DNM3: variants seen among roughly 807,000 people sequenced by gnomAD.
DNM3 encodes dynamin-3.
A neutral mutation model predicts 101.6 loss-of-function variants in DNM3; 47 were observed. The ratio of observed to expected loss-of-function variants is 0.46; its 90% confidence interval spans 0.37 to 0.59. The LOEUF is 0.59. DNM3 is among the 20% of genes least tolerant of loss of function. The pLI is 0.00. For missense variants in DNM3, 849 were observed against 1,085.7 expected (o/e 0.78, Z 3.06); for synonymous variants, 385 against 387.9 (o/e 0.99, Z 0.09).
At position 172,388,672 on chromosome 1, in the gene DNM3, T is replaced by C; in HGVS notation, c.2385T>C (p.Ser795=). 6.2e-7 allele frequency: 1 copy of C among 1,613,904 alleles called. No individual in the cohort carries two copies. The highest frequency in any genetic ancestry group is 1.3e-5 in the African/African-American group (1 of 75,020). Residue 795 remains serine, a synonymous_variant, in exon 20 of 21, where the codon TCT becomes TCC. Transcript: ENST00000627582. ...SGRGPAPAIP[S]PGPHSGAPPV... is the part of the protein sequence containing the mutation. Reference sequence around the variant, plus strand: ...GAGGACCAGCTCCTGCCATTCCCTCTCCTGGCCCCCACTCTGGGGCTCCTC... The same window carrying C: ...GAGGACCAGCTCCTGCCATTCCCTCCCCTGGCCCCCACTCTGGGGCTCCTC...
At chr1:172,110,914 T>C (rs1418409693) in intron 13 of DNM3, among the ~76,000 whole-genome samples, 1 of 152,142 alleles carries the variant, frequency 6.6e-6, no homozygotes, top group Non-Finnish European at 1.5e-5. Context: ...CATGCGCCTT[T>C]AGTGTCAGCT....
intron 13 of DNM3, among the ~76,000 whole-genome samples, chr1:172,106,670 C>T (rs1239551034): frequency 6.6e-6 from 1 of 151,758 alleles, no homozygotes; most frequent in Non-Finnish European, 1.5e-5. Context: ...CAAAAATGGG[C>T]ATTGAATTTC....
At chr1:172,036,776 A>G (rs1194158671) in intron 6 of DNM3, among the ~76,000 whole-genome samples, 4 of 152,092 alleles carry the variant, frequency 2.6e-5, no homozygotes, top group African/African-American at 9.7e-5. Context: ...AATGGCAACA[A>G]AAGCCAAAAT....
At chr1:172,192,079 CA>C (rs1463019315) in intron 14 of DNM3, among the ~76,000 whole-genome samples, 1 of 152,126 alleles carries the variant, frequency 6.6e-6, no homozygotes, top group African/African-American at 2.4e-5. Context: ...TGCCAGTTTT[CA>C]AAAGGAATGC....
At chr1:172,317,206 A>G (rs994033931) in intron 16 of DNM3, among the ~76,000 whole-genome samples, 5 of 151,858 alleles carry the variant, frequency 3.3e-5, no homozygotes, top group Admixed American at 1.3e-4. Context: ...CAAAGACACA[A>G]CATACCAGAA....
At chr1:172,159,109 T>A (rs2058452179) in intron 14 of DNM3, among the ~76,000 whole-genome samples, 1 of 152,084 alleles carries the variant, frequency 6.6e-6, no homozygotes, top group Non-Finnish European at 1.5e-5. Flanking sequence ...TGGAAAATTA[T>A]CTTGCAACTT....
chr1:171,908,472 G>T lies in DNM3; in HGVS notation c.162-13276G>T, dbSNP rs546424122. 3.0e-4 allele frequency among the ~76,000 whole-genome samples: 46 copies of T among 152,112 alleles called. No individual in the cohort carries two copies. In the South Asian group the frequency reaches 8.1e-3, roughly 27 times the overall value. ...TGGTAGAACTCTTATATTAGAAGTG[G>T]TTTTTTCCATCCAGTGGATCAGGAG... is the stretch of plus-strand genomic sequence containing the variant. On this transcript the variant is annotated intron_variant, in intron 1 of 20. Transcript: ENST00000627582.
At chr1:171,945,187 C>A (rs12048003) in intron 2 of DNM3, among the ~76,000 whole-genome samples, 14,200 of 151,938 alleles carry the variant, frequency 0.093, 862 homozygotes, top group East Asian at 0.32. Context: ...ACGTTTTAAT[C>A]CTCTATGAGA....
At chr1:172,227,290 A>ATATATATATATATATATATATATATG (rs2061166260) in intron 14 of DNM3, among the ~76,000 whole-genome samples, 1 of 133,492 alleles carries the variant, frequency 7.5e-6, no homozygotes, top group African/African-American at 3.1e-5. Context: ...ATATATATAT[A>ATATATATATATATATATATATATATG]TATATATATA....
chr1:171,988,627 G>A (rs894313477), intron 3 of DNM3, among the ~76,000 whole-genome samples: 16 of 152,142 alleles, frequency 1.1e-4, no homozygotes, highest in African/African-American at 3.9e-4. Context: ...CTGGCAGATA[G>A]CATATGCATT....
intron 16 of DNM3, among the ~76,000 whole-genome samples, chr1:172,318,691 G>C (rs1268944680): frequency 2.0e-5 from 3 of 152,136 alleles, no homozygotes; most frequent in Admixed American, 2.0e-4. Context: ...GGACGTGAAG[G>C]ACCTCTTCAA....
chr1:172,359,149 C>CACACACACACAT (rs1553244185), intron 17 of DNM3, among the ~76,000 whole-genome samples: 42 of 150,884 alleles, frequency 2.8e-4, no homozygotes, highest in African/African-American at 5.9e-4. Flanking sequence ...CACACACACA[C>CACACACACACAT]ACACACACAC....
intron 7 of DNM3, among the ~76,000 whole-genome samples, chr1:172,040,780 T>C (rs1316703562): frequency 6.6e-6 from 1 of 151,806 alleles, no homozygotes; most frequent in Non-Finnish European, 1.5e-5. Context: ...AGCTGAGTCT[T>C]AAAGAACACG....
At chr1:172,202,798 G>A (rs971799945) in intron 14 of DNM3, among the ~76,000 whole-genome samples, 3 of 152,074 alleles carry the variant, frequency 2.0e-5, no homozygotes, top group Admixed American at 1.3e-4. Context: ...TCTTTTAACT[G>A]GTTTGTTTCT....
chr1:172,141,352 AC>A (rs1282488700), intron 14 of DNM3, among the ~76,000 whole-genome samples: 3 of 152,016 alleles, frequency 2.0e-5, no homozygotes, highest in Admixed American at 2.0e-4. Context: ...TTAAAGCCTG[AC>A]CTTCTAGTTA....
downstream of DNM3, chr1:172,415,523 A>AGTT (rs1245712957): frequency 1.4e-4 from 7 of 49,456 alleles, no homozygotes; most frequent in Admixed American, 1.7e-3. Context: ...ATTTTTTGTG[A>AGTT]GTTTTTTTTT....
intron 1 of DNM3, among the ~76,000 whole-genome samples, chr1:171,915,523 A>G (rs1386042330): frequency 1.3e-5 from 2 of 152,128 alleles, no homozygotes; most frequent in East Asian, 3.8e-4. Context: ...TAGAAGGAGG[A>G]TGGATGATTC....
chr1:171,882,532 T>C (rs1329176805), intron 1 of DNM3, among the ~76,000 whole-genome samples: 1 of 151,844 alleles, frequency 6.6e-6, no homozygotes, highest in Non-Finnish European at 1.5e-5. Flanking sequence ...ATGTATTTCT[T>C]AAGAACAAGG....
chr1:171,927,558 C>A (rs752651702), intron 2 of DNM3, among the ~76,000 whole-genome samples: 3 of 152,202 alleles, frequency 2.0e-5, no homozygotes, highest in Non-Finnish European at 2.9e-5. Flanking sequence ...TAAAGACACA[C>A]ATATGTGAAT....
Sources: gnomAD v4.1 joint callset for allele counts (sites outside exome capture counted in the v4.1 genomes callset) on GRCh38, gnomAD v4.1.1 for gene constraint, MANE v1.5 for transcripts, NCBI Gene and HGNC (gene_info 2026-07-23, HGNC 2026-07-21) for gene names.